Variants in ERAP1 observed in about 807,000 individuals in gnomAD.
The protein encoded by ERAP1 is endoplasmic reticulum aminopeptidase 1, also known as adipocyte-derived leucine aminopeptidase.
In ERAP1, 86 loss-of-function variants were observed where a neutral mutation model predicts 103.7. The ratio of observed to expected loss-of-function variants is 0.83; its 90% CI spans 0.70 to 0.99. The LOEUF (loss-of-function observed/expected upper bound fraction) is 0.99. ERAP1 is among the 50% of genes least tolerant of loss of function. The pLI, the probability that ERAP1 is intolerant of heterozygous loss-of-function variation, is 0.00. For missense variants in ERAP1, 1,009 were observed against 1,128.4 expected (o/e 0.89, Z 1.52); for synonymous variants, 398 against 402.4 (o/e 0.99, Z 0.13).
chr5:96,858,881 C>T, the ERAP1 span, among the ~76,000 whole-genome samples: 3 of 152,150 alleles, frequency 2.0e-5, no homozygotes, highest in Admixed American at 6.5e-5. Flanking sequence ...AAGTCATTCT[C>T]ATCACTTTAA....
upstream of ERAP1, among the ~76,000 whole-genome samples, chr5:96,811,267 G>C (rs1779138768): frequency 6.6e-6 from 1 of 152,148 alleles, no homozygotes; most frequent in Admixed American, 6.5e-5. Context: ...CCATGTTAAA[G>C]ACTGTTCCAA....
Position 96,793,884 on chromosome 5 carries a change from AG to A in ERAP1, c.992del (p.Ala331ValfsTer19), listed in dbSNP as rs766606225. 10 of 1,614,050 alleles carry A rather than the reference AG, an allele frequency of 6.2e-6. No homozygotes were observed. The highest frequency in any genetic ancestry group is 8.5e-6 in the Non-Finnish European group (10 of 1,180,006). On this transcript the variant is annotated frameshift_variant, in exon 6 of 19. Coordinates refer to ENST00000443439, the MANE Select transcript of ERAP1 (RefSeq NM_001040458.3). LOFTEE classifies it high-confidence loss of function. Reference protein sequence around the residue: ...NWGLTTYRESALLFDAEKSSA... With the variant: ...NWGLTTYRESXLLFDAEKSSA... ...AAGACTTTTCTGCATCAAACAACAGAGCAGATTCTCTATATGTTGTCAGTCC... is the reference window on the plus strand; with the variant it reads ...AAGACTTTTCTGCATCAAACAACAGACAGATTCTCTATATGTTGTCAGTCC...
chr5:96,841,621 C>T, the ERAP1 span, among the ~76,000 whole-genome samples: 14 of 152,096 alleles, frequency 9.2e-5, no homozygotes, highest in African/African-American at 3.4e-4. Flanking sequence ...CTAGCTAACC[C>T]AGAGAAGTAA....
At chr5:96,890,413 G>A in the ERAP1 span, among the ~76,000 whole-genome samples, 1 of 152,188 alleles carries the variant, frequency 6.6e-6, no homozygotes, top group Non-Finnish European at 1.5e-5. Flanking sequence ...AGGCAGTCAT[G>A]CTCTCTCGCC....
the ERAP1 span, among the ~76,000 whole-genome samples, chr5:96,899,547 G>C: frequency 6.6e-6 from 1 of 152,150 alleles, no homozygotes; most frequent in African/African-American, 2.4e-5. Context: ...TTGCCCTTAA[G>C]TACTGGTTAT....
At chr5:96,804,631 T>C (rs768840209) in intron 1 of ERAP1, 2 of 154,444 alleles carry the variant, frequency 1.3e-5, no homozygotes, top group Non-Finnish European at 2.9e-5. Context: ...ATCACCTGGA[T>C]TGATTTTAAA....
At chr5:96,917,444 T>G in the ERAP1 span, 2 of 1,606,298 alleles carry the variant, frequency 1.2e-6, no homozygotes, top group Non-Finnish European at 1.7e-6. Flanking sequence ...AGTAATTTTT[T>G]TCTTCAATAT....
intron 17 of ERAP1, 106 bp downstream of exon 17, chr5:96,780,952 C>A: frequency 7.3e-7 from 1 of 1,365,954 alleles, no homozygotes; most frequent in Admixed American, 1.9e-5. Context: ...TATCTTCAAT[C>A]AAAAAGTACC....
intron 1 of ERAP1, 123 bp downstream of exon 1, chr5:96,807,737 C>G (rs1778809879): frequency 1.4e-6 from 1 of 707,016 alleles, no homozygotes. Context: ...CCTCCCGTGC[C>G]CCGTCTCCCT....
chr5:96,785,710 TTG>T, intron 13 of ERAP1, 76 bp downstream of exon 13: 1 of 1,472,584 alleles, frequency 6.8e-7, no homozygotes. Context: ...TCAATCATTT[TTG>T]TCTTTAGAAA....
chr5:96,821,529 T>C, the ERAP1 span, among the ~76,000 whole-genome samples: 1 of 152,066 alleles, frequency 6.6e-6, no homozygotes, highest in African/African-American at 2.4e-5. Context: ...AAGCACAGGA[T>C]AAAGGCAAGA....
the ERAP1 span, among the ~76,000 whole-genome samples, chr5:96,859,116 G>A: frequency 6.8e-6 from 1 of 147,766 alleles, no homozygotes; most frequent in Non-Finnish European, 1.5e-5. Context: ...CTGAACAACA[G>A]ACATGTTCTA....
At chr5:96,885,120 G>A in the ERAP1 span, among the ~76,000 whole-genome samples, 20 of 152,266 alleles carry the variant, frequency 1.3e-4, no homozygotes, top group South Asian at 1.5e-3. Flanking sequence ...CATAGCAAAC[G>A]CCCATTTGCC....
rs115737632 is a variant in ERAP1, at chr5:96,802,646, A to G, written c.524+757T>C. On this transcript the variant is annotated intron_variant, in intron 2 of 18. Transcript: ENST00000443439. ...AGCAAGGTGAGAAGAGATCTCTAAAAAAGTTTTAACTGAGATAAAAGTATT... is the reference window on the plus strand; with the variant it reads ...AGCAAGGTGAGAAGAGATCTCTAAAGAAGTTTTAACTGAGATAAAAGTATT... 5.8e-3 allele frequency among the ~76,000 whole-genome samples: 889 copies of G among 152,328 alleles called. 7 individuals carry two copies. The highest frequency in any genetic ancestry group is 0.011 in the Non-Finnish European group (730 of 68,018).
the ERAP1 span, chr5:96,919,395 A>C: frequency 1.3e-4 from 20 of 152,336 alleles, no homozygotes; most frequent in African/African-American, 4.8e-4. Context: ...CTTTAGAATT[A>C]CATGTATTTT....
the ERAP1 span, among the ~76,000 whole-genome samples, chr5:96,863,767 A>G: frequency 1.3e-5 from 2 of 152,142 alleles, no homozygotes; most frequent in Non-Finnish European, 2.9e-5. Flanking sequence ...CAAGCTAGAT[A>G]TGTTCAGGAT....
chr5:96,799,229 T>C (rs557242125), intron 3 of ERAP1, among the ~76,000 whole-genome samples: 1 of 152,120 alleles, frequency 6.6e-6, no homozygotes, highest in Non-Finnish European at 1.5e-5. Context: ...TTAATTCAAA[T>C]TTAAATGTGA....
At chr5:96,884,042 CTA>C in the ERAP1 span, 1 of 261,384 alleles carries the variant, frequency 3.8e-6, no homozygotes, top group Non-Finnish European at 7.1e-6. Context: ...TTTTATCTAT[CTA>C]TCTATCTATC....
At chr5:96,917,787 T>C in the ERAP1 span, 1 of 343,246 alleles carries the variant, frequency 2.9e-6, no homozygotes, top group African/African-American at 2.2e-5. Flanking sequence ...GTGCCTGTAG[T>C]CCCAGCTACT....
Sources: gnomAD v4.1 joint callset for allele counts (sites outside exome capture counted in the v4.1 genomes callset) on GRCh38, gnomAD v4.1.1 for gene constraint, MANE v1.5 for transcripts, NCBI Gene and HGNC (gene_info 2026-07-23, HGNC 2026-07-21) for gene names.